The following SGCZ variants were observed in gnomAD, a reference collection of about 807,000 sequenced individuals.
The protein encoded by SGCZ is zeta-sarcoglycan.
In SGCZ, 40 loss-of-function variants were observed where a neutral mutation model predicts 41.3. The observed-to-expected ratio is 0.97, with a 90% confidence interval of 0.75 to 1.26. The LOEUF is 1.26. Among genes scored for constraint, SGCZ ranks in the 50% most tolerant of loss-of-function variants. SGCZ has a pLI of 0.00. For missense variants in SGCZ, 552 were observed against 369.8 expected (o/e 1.49, Z -4.04); for synonymous variants, 206 against 137.5 (o/e 1.50, Z -3.49).
intron 1 of SGCZ, among the ~76,000 whole-genome samples, chr8:15,107,304 C>T (rs2131092701): frequency 6.6e-6 from 1 of 152,204 alleles, no homozygotes; most frequent in East Asian, 1.9e-4. Flanking sequence ...TTCACCAAAA[C>T]TTATGTTGCA....
chr8:14,104,508 A>C (rs1802141170), intron 6 of SGCZ, among the ~76,000 whole-genome samples: 2 of 152,182 alleles, frequency 1.3e-5, no homozygotes, highest in African/African-American at 4.8e-5. Context: ...AAAACAACCT[A>C]AGTTGCAAGA....
chr8:14,703,784 C>A (rs555510466), intron 1 of SGCZ, among the ~76,000 whole-genome samples: 1 of 152,020 alleles, frequency 6.6e-6, no homozygotes, highest in African/African-American at 2.4e-5. Context: ...CCATGTCAAG[C>A]AATTTGGGCT....
chr8:14,192,099 A>G (rs1051163763), intron 4 of SGCZ, among the ~76,000 whole-genome samples: 2 of 152,108 alleles, frequency 1.3e-5, no homozygotes, highest in Non-Finnish European at 2.9e-5. Context: ...CAAAGCACAT[A>G]TATATAAAGT....
intron 1 of SGCZ, among the ~76,000 whole-genome samples, chr8:14,631,439 A>C (rs1806650375): frequency 1.3e-5 from 2 of 151,972 alleles, no homozygotes; most frequent in Admixed American, 1.3e-4. Context: ...AACTGGCCAT[A>C]GTGGAGGTAT....
intron 1 of SGCZ, among the ~76,000 whole-genome samples, chr8:14,780,136 G>A (rs2130430802): frequency 6.6e-6 from 1 of 152,196 alleles, no homozygotes; most frequent in East Asian, 1.9e-4. Flanking sequence ...CACTTTGGGA[G>A]GCAGAGGCCG....
intron 1 of SGCZ, among the ~76,000 whole-genome samples, chr8:14,633,579 A>G (rs534027953): frequency 1.3e-5 from 2 of 151,920 alleles, no homozygotes; most frequent in Non-Finnish European, 2.9e-5. Flanking sequence ...TATTTTACAC[A>G]ACTTTCTGGG....
chr8:14,807,468 C>A (rs947723280), intron 1 of SGCZ, among the ~76,000 whole-genome samples: 7 of 152,038 alleles, frequency 4.6e-5, no homozygotes, highest in Non-Finnish European at 8.8e-5. Context: ...CATGAGTGAA[C>A]TCCCATTCAC....
At chr8:14,525,928 G>C (rs1179502193) in intron 2 of SGCZ, among the ~76,000 whole-genome samples, 3 of 151,886 alleles carry the variant, frequency 2.0e-5, no homozygotes, top group Admixed American at 6.6e-5. Context: ...TATAAGTATA[G>C]TGAACATACA....
At chr8:14,471,275 A>T (rs1261070509) in intron 2 of SGCZ, among the ~76,000 whole-genome samples, 1 of 152,170 alleles carries the variant, frequency 6.6e-6, no homozygotes, top group Non-Finnish European at 1.5e-5. Flanking sequence ...TGTACTCATT[A>T]TCACATAATA....
At chr8:14,378,062 G>A (rs1371259963) in intron 2 of SGCZ, among the ~76,000 whole-genome samples, 1 of 149,780 alleles carries the variant, frequency 6.7e-6, no homozygotes, top group East Asian at 1.9e-4. Context: ...GGATGGCTGG[G>A]TCAAATAGTA....
chr8:14,583,259 G>A (rs1467029672), intron 1 of SGCZ, among the ~76,000 whole-genome samples: 1 of 151,514 alleles, frequency 6.6e-6, no homozygotes, highest in African/African-American at 2.4e-5. Flanking sequence ...CTGATGGCCA[G>A]TGATGGTGAG....
rs1410457941 is a variant in SGCZ, at chr8:14,316,740, A to G, written c.336+7363T>C. Among the ~76,000 whole-genome samples, 10 of 151,578 alleles carry G rather than the reference A, an allele frequency of 6.6e-5. No homozygotes were observed. The Admixed American group carries it at 6.6e-4, about 10-fold the overall frequency. On this transcript the variant is annotated intron_variant, in intron 3 of 7. Coordinates refer to ENST00000382080, the MANE Select transcript of SGCZ (RefSeq NM_139167.4). ...TCAATATTAGAGTGCCCAACGATTC[A>G]TTCCACGGAAATCTTATAATTCCCA...
chr8:14,460,102 A>G lies in SGCZ; in HGVS notation c.234+94630T>C, dbSNP rs551345544. 3.3e-4 allele frequency among the ~76,000 whole-genome samples: 50 copies of G among 152,314 alleles called. 1 individual carries two copies. The highest frequency in any genetic ancestry group is 1.2e-3 in the African/African-American group (48 of 41,560). Reference sequence around the variant, plus strand: ...ATTTAATTTTGCTAAATGTATTTTGATTATGTAAACTGCTACCATTAGGAG... The same window carrying G: ...ATTTAATTTTGCTAAATGTATTTTGGTTATGTAAACTGCTACCATTAGGAG... On this transcript the variant is annotated intron_variant, in intron 2 of 7. Transcript: ENST00000382080.
At chr8:14,187,484 A>C (rs758819767) in intron 4 of SGCZ, among the ~76,000 whole-genome samples, 5 of 152,178 alleles carry the variant, frequency 3.3e-5, no homozygotes, top group Non-Finnish European at 5.9e-5. Flanking sequence ...AGGTGTGATG[A>C]AATGTCTAAT....
chr8:14,495,127 C>A (rs538378780), intron 2 of SGCZ, among the ~76,000 whole-genome samples: 6 of 151,986 alleles, frequency 3.9e-5, no homozygotes, highest in Non-Finnish European at 8.8e-5. Flanking sequence ...GGATTCAGTA[C>A]CAAGCGCTTG....
chr8:15,129,371 T>C (rs1024844636), intron 1 of SGCZ, among the ~76,000 whole-genome samples: 1 of 152,182 alleles, frequency 6.6e-6, no homozygotes, highest in Non-Finnish European at 1.5e-5. Flanking sequence ...TATTATTATA[T>C]TAGCCTTCCT....
intron 1 of SGCZ, among the ~76,000 whole-genome samples, chr8:14,807,334 T>C (rs1363975319): frequency 3.9e-5 from 6 of 152,034 alleles, no homozygotes; most frequent in East Asian, 1.9e-4. Context: ...GAAAACCCCA[T>C]TGTCTCAGCC....
chr8:15,001,140 G>A (rs1270730524), intron 1 of SGCZ, among the ~76,000 whole-genome samples: 1 of 152,210 alleles, frequency 6.6e-6, no homozygotes, highest in Admixed American at 6.5e-5. Flanking sequence ...TTGGGAGGAT[G>A]AAATTGTTCT....
chr8:14,187,904 G>C (rs1804957658), intron 4 of SGCZ, among the ~76,000 whole-genome samples: 1 of 152,116 alleles, frequency 6.6e-6, no homozygotes, highest in South Asian at 2.1e-4. Flanking sequence ...TAAAAATGAT[G>C]AAAGCCAAAG....
Sources: gnomAD v4.1 joint callset for allele counts (sites outside exome capture counted in the v4.1 genomes callset) on GRCh38, gnomAD v4.1.1 for gene constraint, MANE v1.5 for transcripts, NCBI Gene and HGNC (gene_info 2026-07-23, HGNC 2026-07-21) for gene names.